DCAF8L2: variants seen among roughly 807,000 people sequenced by gnomAD.
DCAF8L2 encodes DDB1- and CUL4-associated factor 8-like protein 2.
For synonymous variants in DCAF8L2, 200 were observed against 190.9 expected, an observed-to-expected ratio of 1.05 and a Z score of -0.39; for missense variants, 430 against 490.7, an observed-to-expected ratio of 0.88 and a Z score of 1.17.
At chrX:27,560,276 A>G in the DCAF8L2 span, among the ~76,000 whole-genome samples, 3 of 109,845 alleles carry the variant, frequency 2.7e-5, no homozygotes, top group Admixed American at 9.8e-5. Flanking sequence ...TCAAAAAAAA[A>G]AAAAAAAAGA....
At chrX:27,698,098 G>T in intron 3 of DCAF8L2, among the ~76,000 whole-genome samples, 1 of 110,259 alleles carries the variant, frequency 9.1e-6, no homozygotes, top group South Asian at 3.9e-4. Context: ...GTGTATGGTG[G>T]GAAAAAAGGA....
intron 4 of DCAF8L2, among the ~76,000 whole-genome samples, chrX:27,725,472 GATA>G (rs1252385533): frequency 1.8e-5 from 2 of 110,294 alleles, no homozygotes; most frequent in Non-Finnish European, 3.8e-5. Context: ...ATTTATTTGT[GATA>G]ATGACAGATA....
intron 2 of DCAF8L2, among the ~76,000 whole-genome samples, chrX:27,648,294 C>T (rs1382864162): frequency 9.1e-6 from 1 of 109,925 alleles, no homozygotes; most frequent in Non-Finnish European, 1.9e-5. Flanking sequence ...GGAATTACAA[C>T]ATAAAAATAT....
the DCAF8L2 span, chrX:27,519,228 A>G: frequency 1.0e-6 from 1 of 1,005,019 alleles, no homozygotes; most frequent in African/African-American, 1.9e-5. Context: ...AAGAACGGAC[A>G]ATTAAAGCCC....
chrX:27,478,683 G>T, the DCAF8L2 span, among the ~76,000 whole-genome samples: 1 of 111,616 alleles, frequency 9.0e-6, no homozygotes. Flanking sequence ...GATATATAGA[G>T]AACTTAGGAA....
chrX:27,499,844 G>GT, the DCAF8L2 span, among the ~76,000 whole-genome samples: 4 of 109,874 alleles, frequency 3.6e-5, no homozygotes, highest in East Asian at 2.9e-4. Context: ...GGTGGGGGGG[G>GT]GTACAGGGCC....
chrX:27,723,679 T>TG (rs1168220699), intron 4 of DCAF8L2, among the ~76,000 whole-genome samples: 1 of 111,058 alleles, frequency 9.0e-6, no homozygotes, highest in Non-Finnish European at 1.9e-5. Context: ...AAAATACAAA[T>TG]GCAATTCCCC....
chrX:27,527,315 C>T, the DCAF8L2 span, among the ~76,000 whole-genome samples: 1 of 112,259 alleles, frequency 8.9e-6, no homozygotes, highest in Non-Finnish European at 1.9e-5. Context: ...GGTGTAGGAC[C>T]CTCCAAGCCA....
the DCAF8L2 span, among the ~76,000 whole-genome samples, chrX:27,523,583 T>G: frequency 9.0e-6 from 1 of 110,893 alleles, no homozygotes; most frequent in African/African-American, 3.3e-5. Context: ...CCATCATAGA[T>G]ATATTTAACA....
intron 1 of DCAF8L2, among the ~76,000 whole-genome samples, chrX:27,630,376 C>G (rs779114638): frequency 2.7e-5 from 3 of 111,439 alleles, no homozygotes; most frequent in African/African-American, 6.5e-5. Flanking sequence ...AATCAACAAT[C>G]AAAAGCCTCT....
chrX:27,532,793 G>A, the DCAF8L2 span, among the ~76,000 whole-genome samples: 1 of 104,449 alleles, frequency 9.6e-6, no homozygotes, highest in African/African-American at 3.5e-5. Context: ...GCAAAGCCAG[G>A]GCCCGCACTT....
At chrX:27,471,035 C>T in the DCAF8L2 span, among the ~76,000 whole-genome samples, 1 of 111,526 alleles carries the variant, frequency 9.0e-6, no homozygotes, top group Non-Finnish European at 1.9e-5. Flanking sequence ...AAAATATCTT[C>T]AGTCAGGGCC....
intron 1 of DCAF8L2, among the ~76,000 whole-genome samples, chrX:27,601,116 T>G (rs2147120682): frequency 9.0e-6 from 1 of 111,134 alleles, no homozygotes; most frequent in South Asian, 3.8e-4. Context: ...TTTTGTATTT[T>G]TTGTAGGGTC....
intron 4 of DCAF8L2, among the ~76,000 whole-genome samples, chrX:27,724,743 A>C (rs1932013827): frequency 9.0e-6 from 1 of 111,391 alleles, no homozygotes. Context: ...ACAGATTTAT[A>C]TTCACATTTA....
chrX:27,539,355 A>G, the DCAF8L2 span, among the ~76,000 whole-genome samples: 1 of 111,656 alleles, frequency 9.0e-6, no homozygotes, highest in South Asian at 3.7e-4. Context: ...GAAAACATTG[A>G]TTGACCTATG....
At chrX:27,548,111 C>T in the DCAF8L2 span, among the ~76,000 whole-genome samples, 10,597 of 109,687 alleles carry the variant, frequency 0.097, 408 homozygotes, top group Non-Finnish European at 0.12. Context: ...CCATGGGAAC[C>T]GTGGGGAGCA....
At chrX:27,707,458 TAAC>T (rs1321287424) in intron 3 of DCAF8L2, among the ~76,000 whole-genome samples, 1 of 111,606 alleles carries the variant, frequency 9.0e-6, no homozygotes, top group Non-Finnish European at 1.9e-5. Context: ...AGCAAAATCT[TAAC>T]AATCATAACA....
intron 1 of DCAF8L2, among the ~76,000 whole-genome samples, chrX:27,622,946 A>G (rs1040872666): frequency 1.1e-4 from 12 of 111,785 alleles, no homozygotes; most frequent in Non-Finnish European, 1.7e-4. Flanking sequence ...TCCACCATAA[A>G]ATTTAATTAA....
chrX:27,718,192 C>G, intron 4 of DCAF8L2, among the ~76,000 whole-genome samples: 1 of 111,677 alleles, frequency 9.0e-6, no homozygotes, highest in Non-Finnish European at 1.9e-5. Flanking sequence ...CTTTCATCCT[C>G]CATCCCAGGT....
Sources: allele counts gnomAD v4.1 joint callset (sites outside exome capture counted in the v4.1 genomes callset), GRCh38; gene constraint gnomAD v4.1.1; transcripts MANE v1.5; gene names NCBI Gene and HGNC (gene_info 2026-07-23, HGNC 2026-07-21).